The following TSPAN15 variants were observed in gnomAD, a reference collection of about 807,000 sequenced individuals.
TSPAN15 encodes tetraspanin-15.
TSPAN15 carries 20 observed loss-of-function variants against 34.5 expected under a neutral mutation model. The ratio of observed to expected loss-of-function variants is 0.58; its 90% confidence interval spans 0.41 to 0.84. The LOEUF is 0.84. TSPAN15 is among the 40% of genes least tolerant of loss of function. TSPAN15 has a pLI of 0.00. For missense variants in TSPAN15, 313 were observed against 386.1 expected, an observed-to-expected ratio of 0.81 and a Z score of 1.59; for synonymous variants, 155 against 153.9, an observed-to-expected ratio of 1.01 and a Z score of -0.05.
At chr10:69,500,975 T>C (rs1842193465) in intron 5 of TSPAN15, among the ~76,000 whole-genome samples, 1 of 152,170 alleles carries the variant, frequency 6.6e-6, no homozygotes, top group Non-Finnish European at 1.5e-5. Context: ...CGTGGTGACA[T>C]TCTGGCTGTA....
the TSPAN15 span, among the ~76,000 whole-genome samples, chr10:69,539,012 G>T: frequency 8.5e-5 from 13 of 152,288 alleles, no homozygotes; most frequent in African/African-American, 3.1e-4. Context: ...GGGACTGGGA[G>T]TCAAATGAAG....
the TSPAN15 span, among the ~76,000 whole-genome samples, chr10:69,526,416 C>T: frequency 1.8e-4 from 26 of 148,346 alleles, 1 homozygote; most frequent in Non-Finnish European, 2.1e-4. Context: ...ATAAACAAAT[C>T]GCCAAATTGT....
At position 69,485,170 on chromosome 10, in the gene TSPAN15, C is replaced by T; in HGVS notation, c.312C>T (p.Ile104=). The change falls in exon 3 of 8, where the codon ATC becomes ATT. Residue 104 remains isoleucine (I), a synonymous_variant. Coordinates refer to ENST00000373290, the MANE Select transcript of TSPAN15 (RefSeq NM_012339.5). ...AFMYILGICL[I]MELIGGVVAL... is the part of the protein sequence containing the mutation. ...TGTACATCCTTGGGATCTGCCTCAT[C>T]ATGGAGCTCATTGGTGGCGTGGTGG... 6.2e-7 allele frequency: 1 copy of T among 1,614,168 alleles called. No homozygotes were observed. The highest frequency in any genetic ancestry group is 8.5e-7 in the Non-Finnish European group (1 of 1,180,032).
At chr10:69,546,978 A>C in the TSPAN15 span, among the ~76,000 whole-genome samples, 2 of 152,124 alleles carry the variant, frequency 1.3e-5, no homozygotes, top group African/African-American at 4.8e-5. Context: ...ACCTCATTAA[A>C]ATACAAAAAT....
At chr10:69,485,709 G>A (rs1841837890) in intron 3 of TSPAN15, among the ~76,000 whole-genome samples, 1 of 152,126 alleles carries the variant, frequency 6.6e-6, no homozygotes, top group Admixed American at 6.5e-5. Context: ...ATTGTACCAT[G>A]GCTGCTGAGT....
chr10:69,537,751 C>T, the TSPAN15 span, among the ~76,000 whole-genome samples: 3 of 152,300 alleles, frequency 2.0e-5, no homozygotes, highest in Non-Finnish European at 2.9e-5. Flanking sequence ...CTGGGAAGAA[C>T]GTGATTCCGT....
At chr10:69,544,878 C>G in the TSPAN15 span, among the ~76,000 whole-genome samples, 2 of 152,196 alleles carry the variant, frequency 1.3e-5, no homozygotes, top group East Asian at 3.9e-4. Flanking sequence ...TCCTCTGGCT[C>G]AGCCAGAGCA....
chr10:69,543,998 C>T, the TSPAN15 span, among the ~76,000 whole-genome samples: 1 of 151,536 alleles, frequency 6.6e-6, no homozygotes, highest in Non-Finnish European at 1.5e-5. Context: ...AACTGGGGGG[C>T]TTTTAATTGA....
intron 1 of TSPAN15, among the ~76,000 whole-genome samples, chr10:69,456,307 G>A (rs1489996018): frequency 2.6e-5 from 4 of 151,930 alleles, no homozygotes; most frequent in Non-Finnish European, 4.4e-5. Context: ...AGACTGTCTC[G>A]ACCTCCTGAC....
At chr10:69,539,467 AAGGAGAAGGAGAAGG>A in the TSPAN15 span, among the ~76,000 whole-genome samples, 1 of 54,568 alleles carries the variant, frequency 1.8e-5, no homozygotes, top group Admixed American at 2.3e-4. Flanking sequence ...GAAGAAGGAG[AAGGAGAAGGAGAAGG>A]AGAAGAAGAA....
intron 1 of TSPAN15, among the ~76,000 whole-genome samples, chr10:69,480,183 A>G (rs1337360805): frequency 6.6e-6 from 1 of 152,168 alleles, no homozygotes; most frequent in East Asian, 1.9e-4. Flanking sequence ...CATTGGGGCC[A>G]GTGGCAGCTC....
chr10:69,530,818 CTCTATATATATATATATATA>C, the TSPAN15 span, among the ~76,000 whole-genome samples: 475 of 42,544 alleles, frequency 0.011, 10 homozygotes, highest in African/African-American at 0.031. Flanking sequence ...CTCTCTCTCT[CTCTATATATATATATATATA>C]TATATATATA....
chr10:69,483,278 G>A (rs10823395), intron 1 of TSPAN15, among the ~76,000 whole-genome samples: 65,014 of 151,650 alleles, frequency 0.43, 14,203 homozygotes, highest in Non-Finnish European at 0.45. Flanking sequence ...GTGAGCCACC[G>A]CGCCCGGCCT....
chr10:69,468,325 T>A (rs1008529017), intron 1 of TSPAN15, among the ~76,000 whole-genome samples: 1 of 152,082 alleles, frequency 6.6e-6, no homozygotes, highest in Admixed American at 6.5e-5. Flanking sequence ...TGTGGCCGGG[T>A]CATGGCTCTT....
At chr10:69,458,690 G>A (rs1293984542) in intron 1 of TSPAN15, among the ~76,000 whole-genome samples, 1 of 152,144 alleles carries the variant, frequency 6.6e-6, no homozygotes, top group Non-Finnish European at 1.5e-5. Context: ...TCTGGCCACA[G>A]AGCCTTTAAA....
the TSPAN15 span, among the ~76,000 whole-genome samples, chr10:69,539,476 G>A: frequency 0.026 from 1,606 of 61,798 alleles, 47 homozygotes; most frequent in South Asian, 0.047. Context: ...GAAGGAGAAG[G>A]AGAAGGAGAA....
chr10:69,549,418 T>C, the TSPAN15 span, among the ~76,000 whole-genome samples: 1 of 152,208 alleles, frequency 6.6e-6, no homozygotes, highest in Non-Finnish European at 1.5e-5. Flanking sequence ...GGGGCAGGGA[T>C]AATGGTGTGG....
chr10:69,528,923 C>A, the TSPAN15 span, among the ~76,000 whole-genome samples: 2 of 147,994 alleles, frequency 1.4e-5, no homozygotes, highest in Non-Finnish European at 3.0e-5. Flanking sequence ...CTGGAAAAGG[C>A]ACCACAAGTT....
the TSPAN15 span, among the ~76,000 whole-genome samples, chr10:69,513,719 A>C: frequency 1.3e-5 from 2 of 152,220 alleles, no homozygotes; most frequent in African/African-American, 4.8e-5. Flanking sequence ...ACGCTCTTAC[A>C]TTTAAGTCAA....
Sources: gnomAD v4.1 joint callset for allele counts (sites outside exome capture counted in the v4.1 genomes callset) on GRCh38, gnomAD v4.1.1 for gene constraint, MANE v1.5 for transcripts, NCBI Gene and HGNC (gene_info 2026-07-23, HGNC 2026-07-21) for gene names.